The following KCNJ6 variants were observed in gnomAD, a reference collection of about 807,000 sequenced individuals.
KCNJ6 encodes the protein G protein-activated inward rectifier potassium channel 2.
A neutral mutation model predicts 34.2 loss-of-function variants in KCNJ6; 9 were observed. The observed-to-expected ratio is 0.26, with a 90% confidence interval of 0.16 to 0.46. The LOEUF (loss-of-function observed/expected upper bound fraction) is 0.46, where lower values mean the gene tolerates loss of function less well. Ranked by LOEUF, KCNJ6 falls within the 20% of genes least tolerant of loss-of-function variation. The pLI is 1.00. For synonymous variants in KCNJ6, 196 were observed against 207.1 expected (o/e 0.95, Z 0.46); for missense variants, 236 against 531.3 (o/e 0.44, Z 5.46).
At chr21:37,756,923 GAGCAC>G in intron 2 of KCNJ6, among the ~76,000 whole-genome samples, 1 of 86,594 alleles carries the variant, frequency 1.2e-5, no homozygotes, top group Non-Finnish European at 2.4e-5. Context: ...AGCCTGGAGT[GAGCAC>G]TCCCTCACAG....
intron 3 of KCNJ6, among the ~76,000 whole-genome samples, chr21:37,669,216 C>T (rs955464677): frequency 6.6e-6 from 1 of 152,132 alleles, no homozygotes; most frequent in African/African-American, 2.4e-5. Flanking sequence ...GTAAGGCACC[C>T]CCCCACCTTC....
chr21:37,906,899 G>C (rs1444479621), intron 1 of KCNJ6, among the ~76,000 whole-genome samples: 1 of 152,190 alleles, frequency 6.6e-6, no homozygotes, highest in Non-Finnish European at 1.5e-5. Flanking sequence ...AATTTAAGAG[G>C]GTGAATATGT....
At chr21:37,846,344 T>G (rs2055507264) in intron 1 of KCNJ6, among the ~76,000 whole-genome samples, 1 of 149,012 alleles carries the variant, frequency 6.7e-6, no homozygotes, top group Non-Finnish European at 1.5e-5. Context: ...GAGCTAAGGC[T>G]GAGACACTCT....
chr21:37,906,715 T>G (rs898792552), intron 1 of KCNJ6, among the ~76,000 whole-genome samples: 11 of 152,164 alleles, frequency 7.2e-5, no homozygotes, highest in African/African-American at 2.4e-4. Context: ...ATGTGGAGTG[T>G]GGGCTTGGGC....
chr21:37,806,262 A>G (rs1043859783), intron 2 of KCNJ6, among the ~76,000 whole-genome samples: 25 of 152,220 alleles, frequency 1.6e-4, no homozygotes, highest in Admixed American at 1.5e-3. Context: ...TTTACTTCAG[A>G]TATTTCAACT....
rs1438826646 is a variant in KCNJ6 at position 37,632,096 on chromosome 21, G to A, written c.947-6612C>T. On this transcript the variant is annotated intron_variant, in intron 3 of 3. Transcript: ENST00000609713. ...AAAGAAGTATCAGAAAAGGAGGCCC[G>A]GGAGCTGAAAGTGGGGGCCGACCGG... Among the ~76,000 whole-genome samples, 4 of 152,058 alleles carry A rather than the reference G, an allele frequency of 2.6e-5. No homozygotes were observed. In the East Asian group the frequency reaches 5.8e-4, roughly 22 times the overall value.
rs2054250688 is a variant in KCNJ6 at position 37,613,649 on chromosome 21, G to A, written c.*11510C>T. 6.6e-6 allele frequency: 1 copy of A among 152,218 alleles called. No homozygotes were observed. 9.4% of individuals were successfully genotyped at this position (152,218 alleles called of 1,614,324 possible). ...GAAACTTAAATGCATGTTACTAAGT[G>A]AAATAAGCCAATTTTATAAGGCTGC... On this transcript the variant is annotated 3_prime_UTR_variant, in exon 4 of 4. Coordinates refer to ENST00000609713, the MANE Select transcript of KCNJ6 (RefSeq NM_002240.5).
At position 37,675,475 on chromosome 21, in the gene KCNJ6, G is replaced by A. The variant is rs1322594440; in HGVS notation, c.946+38736C>T. Among the ~76,000 whole-genome samples, 2 of 152,218 alleles carry A rather than the reference G, an allele frequency of 1.3e-5. No homozygotes were observed. Among genetic ancestry groups the A allele is most frequent in the African/African-American group, 4.8e-5 (2 of 41,462 alleles). On this transcript the variant is annotated intron_variant, in intron 3 of 3. Coordinates refer to ENST00000609713, the MANE Select transcript of KCNJ6 (RefSeq NM_002240.5). The surrounding 1 kb of genome is among the most constrained non-coding windows in gnomAD (Gnocchi z 4.2). The stretch of plus-strand genomic sequence containing the variant: ...CTGGTGCGCTGACCGCGCTGGGGAT[G>A]AGCACCACTGTCATCGCGGGGACCC...
At chr21:37,696,384 G>A (rs2054663550) in intron 3 of KCNJ6, among the ~76,000 whole-genome samples, 1 of 152,120 alleles carries the variant, frequency 6.6e-6, no homozygotes, top group South Asian at 2.1e-4. Flanking sequence ...AATGCACTGG[G>A]AGGGACACAG....
intron 3 of KCNJ6, among the ~76,000 whole-genome samples, chr21:37,628,775 A>C (rs1042784995): frequency 3.3e-5 from 5 of 152,240 alleles, no homozygotes; most frequent in African/African-American, 1.2e-4. Context: ...TGAAGGTAGA[A>C]TCTTGAAGGC....
chr21:37,736,561 C>A (rs967709683), intron 2 of KCNJ6, among the ~76,000 whole-genome samples: 3 of 152,160 alleles, frequency 2.0e-5, no homozygotes, highest in African/African-American at 7.2e-5. Flanking sequence ...TCTGGAAGGT[C>A]ATGTGTCTTC....
At chr21:37,730,737 C>T (rs1156358768) in intron 2 of KCNJ6, among the ~76,000 whole-genome samples, 1 of 152,220 alleles carries the variant, frequency 6.6e-6, no homozygotes, top group African/African-American at 2.4e-5. Flanking sequence ...GCATTCTACA[C>T]TGTGGACAAG....
At chr21:37,835,804 CACCCTAACCCTA>C (rs11276074) in intron 2 of KCNJ6, among the ~76,000 whole-genome samples, 3,626 of 151,470 alleles carry the variant, frequency 0.024, 153 homozygotes, top group African/African-American at 0.082. Flanking sequence ...AGCTGAGAGT[CACCCTAACCCTA>C]ACCCTAACCC....
chr21:37,896,629 A>ATT (rs2055789687), intron 1 of KCNJ6, among the ~76,000 whole-genome samples: 1 of 152,114 alleles, frequency 6.6e-6, no homozygotes, highest in Non-Finnish European at 1.5e-5. Context: ...AGGAGGGCAG[A>ATT]GCTGTCACCC....
intron 3 of KCNJ6, among the ~76,000 whole-genome samples, chr21:37,641,954 A>AC (rs1233683591): frequency 6.6e-6 from 1 of 152,230 alleles, no homozygotes; most frequent in African/African-American, 2.4e-5. Flanking sequence ...AGGGCCAGTT[A>AC]GAGGGAAGAG....
In KCNJ6 at chr21:37,620,331, A is replaced by G. The variant is rs886438091; in HGVS notation, c.*4828T>C. 1.3e-5 allele frequency: 2 copies of G among 152,146 alleles called. No individual in the cohort carries two copies. Among genetic ancestry groups the G allele is most frequent in the African/African-American group, 4.8e-5 (2 of 41,430 alleles). The allele number at this position is 152,146 out of a possible 1,614,324, so 9.4% of individuals were successfully genotyped here. On this transcript the variant is annotated 3_prime_UTR_variant, in exon 4 of 4. Transcript: ENST00000609713. Reference sequence around the variant, plus strand: ...TCTGTTGTAATTACTCAGCTCTGTGAGTGCATGTGGAAGCAGCCATAGGCA... The same window carrying G: ...TCTGTTGTAATTACTCAGCTCTGTGGGTGCATGTGGAAGCAGCCATAGGCA...
At chr21:37,765,771 A>G (rs1159035132) in intron 2 of KCNJ6, among the ~76,000 whole-genome samples, 1 of 152,242 alleles carries the variant, frequency 6.6e-6, no homozygotes, top group Non-Finnish European at 1.5e-5. Flanking sequence ...AAGTTCTAAC[A>G]CACTTCTTCA....
Position 37,675,845 on chromosome 21 carries a change from AC to A in KCNJ6, c.946+38365del, listed in dbSNP as rs1314896202. On this transcript the variant is annotated intron_variant, in intron 3 of 3. Transcript: ENST00000609713. The surrounding 1 kb of genome is among the most constrained non-coding windows in gnomAD (Gnocchi z 4.2). ...ACCTTAACGGCAAGCCAGACCCCTG[AC>A]CCCAACCCATGTCAATAGCGGGGGT... Among the ~76,000 whole-genome samples, 2 of 143,868 alleles carry A rather than the reference AC, an allele frequency of 1.4e-5. No individual in the cohort carries two copies. Among genetic ancestry groups the A allele is most frequent in the Non-Finnish European group, 3.1e-5 (2 of 65,402 alleles). The allele number at this position is 143,868 out of a possible 152,430, so 94.4% of individuals were successfully genotyped here.
chr21:37,608,069 T>C lies in KCNJ6; in HGVS notation c.*17090A>G, dbSNP rs2054230440. On this transcript the variant is annotated 3_prime_UTR_variant, in exon 4 of 4. Transcript: ENST00000609713. ...TATTTTTTAATTCAATACTAAAGACTTCAGAGCCTTTAAGATGCAATGATG... is the reference window on the plus strand; with the variant it reads ...TATTTTTTAATTCAATACTAAAGACCTCAGAGCCTTTAAGATGCAATGATG... 6.6e-6 allele frequency: 1 copy of C among 152,234 alleles called. No homozygotes were observed. Among genetic ancestry groups the C allele is most frequent in the African/African-American group, 2.4e-5 (1 of 41,464 alleles). 9.4% of individuals were successfully genotyped at this position (152,234 alleles called of 1,614,324 possible).
Sources: allele counts gnomAD v4.1 joint callset (sites outside exome capture counted in the v4.1 genomes callset), GRCh38; gene constraint gnomAD v4.1.1; non-coding constraint Gnocchi (gnomAD v3.1); transcripts MANE v1.5; gene names NCBI Gene and HGNC (gene_info 2026-07-23, HGNC 2026-07-21).